The following RAB11FIP1 variants were observed in gnomAD, a reference collection of about 807,000 sequenced individuals.
RAB11FIP1 encodes the protein RAB11 family interacting protein 1, also known as rab11 family-interacting protein 1.
RAB11FIP1 carries 49 observed loss-of-function variants against 83.1 expected under a neutral mutation model. The observed-to-expected ratio is 0.59, with a 90% CI of 0.47 to 0.75. The LOEUF (loss-of-function observed/expected upper bound fraction) is 0.75, where lower values mean the gene tolerates loss of function less well. RAB11FIP1 is among the 30% of genes least tolerant of loss of function. The pLI is 0.00. For missense variants in RAB11FIP1, 1,536 were observed against 1,598.7 expected (o/e 0.96, Z 0.67); for synonymous variants, 670 against 656.0 (o/e 1.02, Z -0.33).
At chr8:37,890,235 G>A (rs1460734607) in intron 1 of RAB11FIP1, among the ~76,000 whole-genome samples, 1 of 152,308 alleles carries the variant, frequency 6.6e-6, no homozygotes, top group South Asian at 2.1e-4. Flanking sequence ...TTTCACACAG[G>A]ATGCCCATTC....
intron 5 of RAB11FIP1, among the ~76,000 whole-genome samples, chr8:37,866,295 A>T (rs1280647688): frequency 6.6e-6 from 1 of 152,036 alleles, no homozygotes; most frequent in Admixed American, 6.6e-5. Flanking sequence ...AGATCGTGCC[A>T]CTGCACTCCA....
In RAB11FIP1 at chr8:37,877,423, C is replaced by T. The variant is rs369536123; in HGVS notation, c.500G>A (p.Arg167Gln). 60 of 1,614,090 alleles carry T rather than the reference C, an allele frequency of 3.7e-5. No homozygotes were observed. Among genetic ancestry groups the T allele is most frequent in the Middle Eastern group, 1.6e-4 (1 of 6,062 alleles). The change falls in exon 2 of 6, where the codon CGG (arginine) becomes CAG (glutamine). Residue 167 changes from arginine (R) to glutamine (Q), a missense_variant. By Grantham distance (43) the Arg-to-Gln change is conservative. Transcript: ENST00000330843. ...GTCCTTCAGCTTTCCAAATGGATTC[C>T]GAGACTTGTCTTTCATAGAAAGGTC... ...MFDLSMKDKSRNPFGKLKDKI... is the reference protein window; with the variant it reads ...MFDLSMKDKSQNPFGKLKDKI...
chr8:37,882,438 G>A (rs1806748943), intron 1 of RAB11FIP1, among the ~76,000 whole-genome samples: 1 of 152,166 alleles, frequency 6.6e-6, no homozygotes, highest in Admixed American at 6.5e-5. Flanking sequence ...TAATAATATT[G>A]ATTCTCACAA....
chr8:37,872,909 G>C lies in RAB11FIP1; in HGVS notation c.1893C>G (p.Leu631=). Residue 631 remains leucine (L), a synonymous_variant, in exon 4 of 6, where the codon CTC becomes CTG. Transcript: ENST00000330843. ...TCTCAGTTTGCAACTCTGCCTTAGG[G>C]AGCAAGGGTGGTCCTTCAGACTTGG... ...GQAKSEGPPL[L]PKAELQTESL... The C allele has an allele frequency of 6.2e-7, 1 of 1,614,216 alleles. No homozygotes were observed. The highest frequency in any genetic ancestry group is 1.7e-5 in the Admixed American group (1 of 60,024).
chr8:37,892,341 C>G (rs1806963505), intron 1 of RAB11FIP1, among the ~76,000 whole-genome samples: 1 of 152,130 alleles, frequency 6.6e-6, no homozygotes, highest in Non-Finnish European at 1.5e-5. Flanking sequence ...CTAGGTTAGG[C>G]CAGCTTCAAA....
intron 1 of RAB11FIP1, among the ~76,000 whole-genome samples, chr8:37,886,828 G>A (rs1268567514): frequency 6.6e-6 from 1 of 152,226 alleles, no homozygotes; most frequent in Non-Finnish European, 1.5e-5. Flanking sequence ...GTAGTTAGCA[G>A]TTGAGAACAT....
rs138356609 is a variant in RAB11FIP1 at position 37,872,116 on chromosome 8, C to A, written c.2686G>T (p.Glu896Ter). The A allele has an allele frequency of 3.7e-6, 6 of 1,613,980 alleles. No individual in the cohort carries two copies. The Admixed American group carries it at 5.0e-5, about 13-fold the overall frequency. Residue 896 changes from glutamate to a stop codon, truncating the protein, a stop_gained, in exon 4 of 6, where the codon GAA becomes TAA. Transcript: ENST00000330843. LOFTEE classifies it high-confidence loss of function. ...LLPSQEESFSEVPMSEASSAK... is the reference protein window; with the variant it reads ...LLPSQEESFS ...GAGCTTGCTTCACTCATGGGGACTT[C>A]GGAGAAACTCTCCTCCTGGGAGGGG...
intron 5 of RAB11FIP1, among the ~76,000 whole-genome samples, chr8:37,868,733 G>A (rs1258742894): frequency 6.6e-6 from 1 of 152,178 alleles, no homozygotes; most frequent in Non-Finnish European, 1.5e-5. Context: ...GAAAGAGCAG[G>A]ATGAAGACAA....
In RAB11FIP1 at chr8:37,862,799, G is replaced by T; in HGVS notation, c.*96C>A. The T allele has an allele frequency of 1.1e-6, 1 of 892,310 alleles. No homozygotes were observed. The allele number at this position is 892,310 out of a possible 1,614,324, so 55.3% of individuals were successfully genotyped here. A position where few individuals can be genotyped will look rare whatever the true frequency, so the allele number is the denominator to read the frequency against. On this transcript the variant is annotated 3_prime_UTR_variant, in exon 6 of 6. Transcript: ENST00000330843. ...CATGTGAGGGAGATGGTGATTCGGA[G>T]CCTGCTGGCTGGTTATCAGGCAAGG...
At chr8:37,895,832 C>A (rs983084298) in intron 1 of RAB11FIP1, among the ~76,000 whole-genome samples, 13 of 152,074 alleles carry the variant, frequency 8.5e-5, no homozygotes, top group Non-Finnish European at 1.9e-4. Context: ...TACTCTGTTG[C>A]AGCAACTCTT....
At position 37,858,949 on chromosome 8, in the gene RAB11FIP1, T is replaced by C. The variant is rs994741693; in HGVS notation, c.*3946A>G. On this transcript the variant is annotated 3_prime_UTR_variant, in exon 6 of 6. Transcript: ENST00000330843. ...CCATACCAAACTACAGACACAAATC[T>C]TTGAAAGGTAAGTACCATTTTATTT... The C allele has an allele frequency of 2.0e-5, 3 of 151,826 alleles. No individual in the cohort carries two copies. Among genetic ancestry groups the C allele is most frequent in the Non-Finnish European group, 2.9e-5 (2 of 68,010 alleles). The allele number at this position is 151,826 out of a possible 1,614,324, so 9.4% of individuals were successfully genotyped here.
Position 37,866,974 on chromosome 8 carries a change from C to A in RAB11FIP1, c.3633+3446G>T, listed in dbSNP as rs1806353487. The stretch of plus-strand genomic sequence containing the variant: ...GCTTACAAATCATGAGCAAAATAAG[C>A]AGCAGTTGCCTTTGTTTTGAGCTAA... On this transcript the variant is annotated intron_variant, in intron 5 of 5. Coordinates refer to ENST00000330843, the MANE Select transcript of RAB11FIP1 (RefSeq NM_001002814.3). Among the ~76,000 whole-genome samples, 2 of 152,222 alleles carry A rather than the reference C, an allele frequency of 1.3e-5. 1 individual carries two copies. The highest frequency in any genetic ancestry group is 4.1e-4 in the South Asian group (2 of 4,832).
At chr8:37,875,385 G>T in intron 2 of RAB11FIP1, 63 bp from the exon 3 acceptor site, 1 of 1,247,130 alleles carries the variant, frequency 8.0e-7, no homozygotes, top group Non-Finnish European at 1.1e-6. Flanking sequence ...CAGTGTAGGG[G>T]CATCTGTCAA....
chr8:37,863,813 T>A (rs993959156), intron 5 of RAB11FIP1, among the ~76,000 whole-genome samples: 1 of 152,180 alleles, frequency 6.6e-6, no homozygotes, highest in Non-Finnish European at 1.5e-5. Flanking sequence ...ATGGGAGGAC[T>A]CAGTTCTCCA....
rs1806237066 is a variant in RAB11FIP1, at chr8:37,861,760, T to C, written c.*1135A>G. Reference sequence around the variant, plus strand: ...CGCACCACCATGCCAAGCTAATTTTTGTATTTTTAGTAGAGATGGGGTTTC... The same window carrying C: ...CGCACCACCATGCCAAGCTAATTTTCGTATTTTTAGTAGAGATGGGGTTTC... On this transcript the variant is annotated 3_prime_UTR_variant, in exon 6 of 6. Coordinates refer to ENST00000330843, the MANE Select transcript of RAB11FIP1 (RefSeq NM_001002814.3). 1.1e-5 allele frequency: 4 copies of C among 349,220 alleles called. No individual in the cohort carries two copies. The highest frequency in any genetic ancestry group is 2.2e-5 in the Non-Finnish European group (4 of 180,596). 21.6% of individuals were successfully genotyped at this position (349,220 alleles called of 1,614,324 possible).
At chr8:37,895,277 T>A (rs1585451483) in intron 1 of RAB11FIP1, among the ~76,000 whole-genome samples, 1 of 55,666 alleles carries the variant, frequency 1.8e-5, no homozygotes, top group Non-Finnish European at 3.4e-5. Context: ...TTTTTTTTTT[T>A]TTTTTTTTTT....
At position 37,870,540 on chromosome 8, in the gene RAB11FIP1, G is replaced by A. The variant is rs1236330913; in HGVS notation, c.3525-12C>T. On this transcript the variant is annotated splice_polypyrimidine_tract_variant and intron_variant, in intron 4 of 5. Coordinates refer to ENST00000330843, the MANE Select transcript of RAB11FIP1 (RefSeq NM_001002814.3). Reference sequence around the variant, plus strand: ...TCACAGGATGAAGTCTAAAGAGAAGGGGAAAAGGATCTTTAGACCCTCCGG... The same window carrying A: ...TCACAGGATGAAGTCTAAAGAGAAGAGGAAAAGGATCTTTAGACCCTCCGG... 1.5e-5 allele frequency: 22 copies of A among 1,436,018 alleles called. No individual in the cohort carries two copies. The highest frequency in any genetic ancestry group is 2.8e-5 in the African/African-American group (2 of 70,998). The allele number at this position is 1,436,018 out of a possible 1,614,324, so 89.0% of individuals were successfully genotyped here.
Position 37,872,542 on chromosome 8 carries a change from T to C in RAB11FIP1, c.2260A>G (p.Ser754Gly). The change falls in exon 4 of 6, where the codon AGT becomes GGT. Residue 754 changes from serine to glycine, a missense_variant. Physicochemically the swap from Ser to Gly is moderately conservative, Grantham distance 56 (BLOSUM62 0). Transcript: ENST00000330843. ...LAAGGDRDLE[S>G]QAGSLVESKA... ...CTCTCCACAAGAGACCCAGCCTGAC[T>C]CTCCAAGTCTCTGTCTCCTCCTGCT... 3 of 1,614,194 alleles carry C rather than the reference T, an allele frequency of 1.9e-6. No homozygotes were observed. The highest frequency in any genetic ancestry group is 2.5e-6 in the Non-Finnish European group (3 of 1,180,040).
At chr8:37,875,541 C>T (rs1395982881) in intron 2 of RAB11FIP1, among the ~76,000 whole-genome samples, 1 of 152,098 alleles carries the variant, frequency 6.6e-6, no homozygotes, top group African/African-American at 2.4e-5. Flanking sequence ...CTAAACTGTC[C>T]ACAGTGCTGA....
Sources: allele counts gnomAD v4.1 joint callset (sites outside exome capture counted in the v4.1 genomes callset), GRCh38; gene constraint gnomAD v4.1.1; transcripts MANE v1.5; gene names NCBI Gene and HGNC (gene_info 2026-07-23, HGNC 2026-07-21).